JAKMIP1: variants seen among roughly 807,000 people sequenced by gnomAD.
JAKMIP1 encodes the protein janus kinase and microtubule interacting protein 1.
Under a neutral mutation model 113.0 loss-of-function variants are expected in JAKMIP1, and 33 were observed. That is an observed-to-expected ratio of 0.29 (90% CI 0.22 to 0.39). The LOEUF is 0.39. Ranked by LOEUF, JAKMIP1 falls within the 10% of genes least tolerant of loss-of-function variation. The probability of loss-of-function intolerance (pLI) is 1.00; values close to 1 mark genes in which losing one functional copy is unlikely to be tolerated. For synonymous variants in JAKMIP1, 480 were observed against 459.9 expected (o/e 1.04, Z -0.56); for missense variants, 813 against 1,080.5 (o/e 0.75, Z 3.47).
chr4:6,063,266 G>T (rs11945333), intron 9 of JAKMIP1, among the ~76,000 whole-genome samples: 22,982 of 152,278 alleles, frequency 0.15, 2,602 homozygotes, highest in African/African-American at 0.31. Context: ...GCTCATCCAT[G>T]GGAAAGCCCC....
At chr4:6,159,949 A>C (rs915732795) in intron 1 of JAKMIP1, among the ~76,000 whole-genome samples, 1 of 151,828 alleles carries the variant, frequency 6.6e-6, no homozygotes, top group Non-Finnish European at 1.5e-5. Flanking sequence ...ACATGATCCC[A>C]TTTTTCATGG....
intron 1 of JAKMIP1, among the ~76,000 whole-genome samples, chr4:6,126,669 C>CA (rs560907948): frequency 1.2e-3 from 175 of 148,952 alleles, no homozygotes; most frequent in African/African-American, 4.0e-3. Context: ...CATGCCCCCC[C>CA]CACACACACC....
chr4:6,041,094 C>T (rs1385408266), intron 17 of JAKMIP1, among the ~76,000 whole-genome samples: 3 of 152,150 alleles, frequency 2.0e-5, no homozygotes, highest in African/African-American at 7.2e-5. Flanking sequence ...AGATGTGGCT[C>T]TTCCTTCCTG....
rs1487695847 is a variant in JAKMIP1 at position 6,199,195 on chromosome 4, G to C, written c.-148+1058C>G. Among the ~76,000 whole-genome samples the C allele has an allele frequency of 6.6e-6, 1 of 152,250 alleles. No homozygotes were observed. The highest frequency in any genetic ancestry group is 2.4e-5 in the African/African-American group (1 of 41,476). ...GTGTGCGCAGATGGGGCGGGCGGCG[G>C]AGGAGGGCTGGCGGTTAGATACAGT... On this transcript the variant is annotated intron_variant, in intron 1 of 20. Coordinates refer to ENST00000409021, the MANE Select transcript of JAKMIP1 (RefSeq NM_001099433.2). The surrounding 1 kb of genome is among the most constrained non-coding windows in gnomAD (Gnocchi z 5.6).
intron 16 of JAKMIP1, among the ~76,000 whole-genome samples, chr4:6,046,950 G>C (rs1331865323): frequency 6.6e-6 from 1 of 152,236 alleles, no homozygotes; most frequent in East Asian, 1.9e-4. Flanking sequence ...TGAGTCACCA[G>C]CAGGTTCCTG....
At chr4:6,084,039 C>T (rs1382056941) in intron 5 of JAKMIP1, among the ~76,000 whole-genome samples, 1 of 152,068 alleles carries the variant, frequency 6.6e-6, no homozygotes, top group Non-Finnish European at 1.5e-5. Flanking sequence ...AACTTCTAGC[C>T]AGATGTGGTG....
intron 1 of JAKMIP1, among the ~76,000 whole-genome samples, chr4:6,177,633 A>G (rs905589443): frequency 6.6e-6 from 1 of 152,152 alleles, no homozygotes; most frequent in Non-Finnish European, 1.5e-5. Context: ...GTGTGGATTA[A>G]ACAAATTAAG....
rs1053111425 is a variant in JAKMIP1 at position 6,088,961 on chromosome 4, A to G, written c.625-3332T>C. On this transcript the variant is annotated intron_variant, in intron 3 of 20. Transcript: ENST00000409021. The surrounding 1 kb of genome is among the most constrained non-coding windows in gnomAD (Gnocchi z 5.5). ...GGGCAGTCCCCAATTGGCTCATGCC[A>G]CCCAAATGTCCCTGTCCCAACAGTA... 3.9e-5 allele frequency among the ~76,000 whole-genome samples: 6 copies of G among 152,226 alleles called. No homozygotes were observed. The highest frequency in any genetic ancestry group is 3.9e-4 in the Admixed American group (6 of 15,286).
At position 6,043,428 on chromosome 4, in the gene JAKMIP1, C is replaced by A. The variant is rs896545299; in HGVS notation, c.2029-1201G>T. Among the ~76,000 whole-genome samples the A allele has an allele frequency of 4.6e-5, 7 of 152,114 alleles. No individual in the cohort carries two copies. The South Asian group carries it at 1.5e-3, about 32-fold the overall frequency. ...CTGGAGCCCTGCCCTCGGCCTTCTCCACCTTACTCTGCCCTCCCCCGGGAT... is the reference window on the plus strand; with the variant it reads ...CTGGAGCCCTGCCCTCGGCCTTCTCAACCTTACTCTGCCCTCCCCCGGGAT... On this transcript the variant is annotated intron_variant, in intron 16 of 20. Coordinates refer to ENST00000409021, the MANE Select transcript of JAKMIP1 (RefSeq NM_001099433.2).
chr4:6,125,533 G>A lies in JAKMIP1; in HGVS notation c.-147-12536C>T, dbSNP rs529088252. 8.0e-4 allele frequency among the ~76,000 whole-genome samples: 121 copies of A among 151,590 alleles called. 1 individual carries two copies. The highest frequency in any genetic ancestry group is 2.7e-3 in the African/African-American group (112 of 41,324). On this transcript the variant is annotated intron_variant, in intron 1 of 20. Transcript: ENST00000409021. ...TCCAGGAGAGGGTGATTCTGTGCATGTTACAGACACAAACATGCAGGTACC... is the reference window on the plus strand; with the variant it reads ...TCCAGGAGAGGGTGATTCTGTGCATATTACAGACACAAACATGCAGGTACC...
rs1718410603 is a variant in JAKMIP1 at position 6,067,953 on chromosome 4, G to A, written c.1303-2945C>T. ...CTGCAAGGCCTTTGGGGACGAGTCTGTTTGTTGCTGTAGCCCAGGAAGCAT... is the reference window on the plus strand; with the variant it reads ...CTGCAAGGCCTTTGGGGACGAGTCTATTTGTTGCTGTAGCCCAGGAAGCAT... On this transcript the variant is annotated intron_variant, in intron 8 of 20. Coordinates refer to ENST00000409021, the MANE Select transcript of JAKMIP1 (RefSeq NM_001099433.2). The surrounding 1 kb of genome is among the most constrained non-coding windows in gnomAD (Gnocchi z 4.6). Among the ~76,000 whole-genome samples, 1 of 152,094 alleles carries A rather than the reference G, an allele frequency of 6.6e-6. No homozygotes were observed. The highest frequency in any genetic ancestry group is 2.1e-4 in the South Asian group (1 of 4,824).
In JAKMIP1 at chr4:6,056,663, C is replaced by A. The variant is rs753612735; in HGVS notation, c.1707+34G>T. 36 of 1,578,346 alleles carry A rather than the reference C, an allele frequency of 2.3e-5. 1 individual carries two copies. The Middle Eastern group carries it at 1.2e-3, about 51-fold the overall frequency. ...GGCCCGCGGGGTCCCAACTGCCCTGCGGCTGTGTGCTTCCCTGAGGTGGGG... is the reference window on the plus strand; with the variant it reads ...GGCCCGCGGGGTCCCAACTGCCCTGAGGCTGTGTGCTTCCCTGAGGTGGGG... On this transcript the variant is annotated intron_variant, in intron 12 of 20. Coordinates refer to ENST00000409021, the MANE Select transcript of JAKMIP1 (RefSeq NM_001099433.2).
At chr4:6,163,854 C>A (rs763927267) in intron 1 of JAKMIP1, among the ~76,000 whole-genome samples, 8 of 152,206 alleles carry the variant, frequency 5.3e-5, no homozygotes, top group Non-Finnish European at 8.8e-5. Context: ...CTCCCTTAAG[C>A]CAAAGCCTAA....
At position 6,135,112 on chromosome 4, in the gene JAKMIP1, C is replaced by A. The variant is rs957501939; in HGVS notation, c.-147-22115G>T. On this transcript the variant is annotated intron_variant, in intron 1 of 20. Transcript: ENST00000409021. The surrounding 1 kb of genome is among the most constrained non-coding windows in gnomAD (Gnocchi z 4.9). ...GGGGGCCACTCCTCCCCATCCTCTC[C>A]CATTCTCAAGCCATGGTATATGGGC... is the stretch of plus-strand genomic sequence containing the variant. Among the ~76,000 whole-genome samples, 1 of 152,174 alleles carries A rather than the reference C, an allele frequency of 6.6e-6. No homozygotes were observed. The highest frequency in any genetic ancestry group is 1.5e-5 in the Non-Finnish European group (1 of 68,040).
At chr4:6,096,185 A>T (rs868341241) in intron 3 of JAKMIP1, among the ~76,000 whole-genome samples, 39 of 152,302 alleles carry the variant, frequency 2.6e-4, no homozygotes, top group African/African-American at 9.4e-4. Context: ...TTGACACTTA[A>T]ATTACACCCT....
At position 6,116,106 on chromosome 4, in the gene JAKMIP1, G is replaced by A. The variant is rs2108897536; in HGVS notation, c.-147-3109C>T. On this transcript the variant is annotated intron_variant, in intron 1 of 20. Transcript: ENST00000409021. This position sits in a 1 kb window ranked among gnomAD's most constrained non-coding sequence, Gnocchi z 5.1. ...TGAGTGTGGAGACGAATGGAGTGCA[G>A]GAGGGGAAGATGTCCAAAGTTCTGG... 6.6e-6 allele frequency among the ~76,000 whole-genome samples: 1 copy of A among 152,256 alleles called. No individual in the cohort carries two copies. The highest frequency in any genetic ancestry group is 1.9e-4 in the East Asian group (1 of 5,162).
At chr4:6,085,237 G>T (rs1191927805) in intron 4 of JAKMIP1, among the ~76,000 whole-genome samples, 183 bp downstream of exon 4, 2 of 152,022 alleles carry the variant, frequency 1.3e-5, no homozygotes, top group Non-Finnish European at 2.9e-5. Context: ...TACAAAGGCC[G>T]CCACGCACCG....
intron 3 of JAKMIP1, among the ~76,000 whole-genome samples, chr4:6,096,175 T>A (rs774933485): frequency 1.3e-5 from 2 of 152,212 alleles, no homozygotes; most frequent in African/African-American, 2.4e-5. Flanking sequence ...GTCTTCTCTT[T>A]TGACACTTAA....
chr4:6,128,813 AG>A (rs1378703959), intron 1 of JAKMIP1, among the ~76,000 whole-genome samples: 3 of 152,092 alleles, frequency 2.0e-5, no homozygotes, highest in Non-Finnish European at 2.9e-5. Flanking sequence ...CCACCCCTGC[AG>A]GGCCACCAGA....
Sources: allele counts gnomAD v4.1 joint callset (sites outside exome capture counted in the v4.1 genomes callset), GRCh38; gene constraint gnomAD v4.1.1; non-coding constraint Gnocchi (gnomAD v3.1); transcripts MANE v1.5; gene names NCBI Gene and HGNC (gene_info 2026-07-23, HGNC 2026-07-21).